Variants in SLC9A9 observed in about 807,000 individuals in gnomAD.
SLC9A9 encodes the protein sodium/hydrogen exchanger 9.
Under a neutral mutation model 77.8 loss-of-function variants are expected in SLC9A9, and 62 were observed. The observed-to-expected ratio is 0.80, with a 90% CI of 0.65 to 0.98. The LOEUF (loss-of-function observed/expected upper bound fraction) is 0.98, where lower values mean the gene tolerates loss of function less well. SLC9A9 is among the 50% of genes least tolerant of loss of function. The pLI is 0.00. For synonymous variants in SLC9A9, 320 were observed against 283.5 expected (o/e 1.13, Z -1.29); for missense variants, 775 against 774.9 (o/e 1.00, Z 0.00).
chr3:143,398,544 A>G (rs1157158643), intron 12 of SLC9A9, among the ~76,000 whole-genome samples: 1 of 152,184 alleles, frequency 6.6e-6, no homozygotes, highest in African/African-American at 2.4e-5. Context: ...ATCTGAAGTT[A>G]TTGTAACACC....
chr3:143,370,830 A>G (rs1224568504), intron 13 of SLC9A9, among the ~76,000 whole-genome samples: 1 of 152,124 alleles, frequency 6.6e-6, no homozygotes, highest in Non-Finnish European at 1.5e-5. Context: ...CTGGATCATA[A>G]ACATATGATA....
chr3:143,456,749 G>C lies in SLC9A9; in HGVS notation c.1469+10288C>G, dbSNP rs145565116. Among the ~76,000 whole-genome samples, 238 of 152,006 alleles carry C rather than the reference G, an allele frequency of 1.6e-3. 2 individuals are homozygous for C. The highest frequency in any genetic ancestry group is 5.7e-3 in the African/African-American group (236 of 41,470). Reference sequence around the variant, plus strand: ...CTGACTAATTTTTGTATTTTTAATAGAGACGGAGTTTCACCATCTTGGCCA... The same window carrying C: ...CTGACTAATTTTTGTATTTTTAATACAGACGGAGTTTCACCATCTTGGCCA... On this transcript the variant is annotated intron_variant, in intron 12 of 15. Coordinates refer to ENST00000316549, the MANE Select transcript of SLC9A9 (RefSeq NM_173653.4).
chr3:143,423,268 CACACACACA>C (rs1322286557), intron 12 of SLC9A9, among the ~76,000 whole-genome samples: 191 of 151,764 alleles, frequency 1.3e-3, no homozygotes, highest in African/African-American at 4.4e-3. Context: ...CACACACACA[CACACACACA>C]CACACACACA....
chr3:143,294,007 A>G (rs2030133852), intron 14 of SLC9A9, among the ~76,000 whole-genome samples: 1 of 152,248 alleles, frequency 6.6e-6, no homozygotes, highest in Non-Finnish European at 1.5e-5. Context: ...AAATTCATGT[A>G]AAATTTTGTA....
At chr3:143,469,252 A>G (rs1050554875) in intron 11 of SLC9A9, among the ~76,000 whole-genome samples, 5 of 152,198 alleles carry the variant, frequency 3.3e-5, no homozygotes, top group Admixed American at 1.3e-4. Context: ...ACTTGGAAGA[A>G]GAGTAAATAA....
At chr3:143,706,185 C>T (rs970006164) in intron 4 of SLC9A9, among the ~76,000 whole-genome samples, 2 of 152,110 alleles carry the variant, frequency 1.3e-5, no homozygotes, top group African/African-American at 4.8e-5. Context: ...GTACAAAACC[C>T]AACAGACGAA....
At chr3:143,834,818 C>T (rs1457257960) in intron 1 of SLC9A9, among the ~76,000 whole-genome samples, 2 of 152,108 alleles carry the variant, frequency 1.3e-5, no homozygotes, top group Admixed American at 6.6e-5. Flanking sequence ...AAGCTGCTTG[C>T]TGCCATTGTG....
chr3:143,709,608 CA>C (rs368261073), intron 4 of SLC9A9, among the ~76,000 whole-genome samples: 11 of 152,160 alleles, frequency 7.2e-5, no homozygotes, highest in African/African-American at 2.7e-4. Flanking sequence ...GCCTGAGATG[CA>C]ATTAATACAG....
intron 14 of SLC9A9, among the ~76,000 whole-genome samples, chr3:143,296,179 A>G (rs1209570659): frequency 6.6e-6 from 1 of 152,216 alleles, no homozygotes; most frequent in East Asian, 1.9e-4. Context: ...GATACTATTC[A>G]TCTTGTGTAA....
At chr3:143,582,715 C>T (rs1465340155) in intron 6 of SLC9A9, among the ~76,000 whole-genome samples, 1 of 152,124 alleles carries the variant, frequency 6.6e-6, no homozygotes, top group African/African-American at 2.4e-5. Context: ...AAGGAGTGCC[C>T]TCAGCTGTGT....
chr3:143,608,381 C>CT (rs2037962271), intron 6 of SLC9A9, among the ~76,000 whole-genome samples: 1 of 152,176 alleles, frequency 6.6e-6, no homozygotes, highest in African/African-American at 2.4e-5. Context: ...AAGAGCAAGG[C>CT]TTTTGGCTGT....
intron 14 of SLC9A9, among the ~76,000 whole-genome samples, chr3:143,295,768 T>C (rs1388122795): frequency 2.6e-5 from 4 of 152,156 alleles, no homozygotes; most frequent in African/African-American, 9.7e-5. Context: ...TGACTTTTAA[T>C]TGTGCTTTCA....
chr3:143,465,969 G>A (rs2035273885), intron 12 of SLC9A9, among the ~76,000 whole-genome samples: 1 of 152,178 alleles, frequency 6.6e-6, no homozygotes, highest in Non-Finnish European at 1.5e-5. Context: ...CCTGGTTTGA[G>A]CATAAGGTTT....
rs114703437 is a variant in SLC9A9, at chr3:143,731,239, C to T, written c.534-37932G>A. Among the ~76,000 whole-genome samples, 1,053 of 152,270 alleles carry T rather than the reference C, an allele frequency of 6.9e-3. 13 individuals are homozygous for T. The highest frequency in any genetic ancestry group is 0.024 in the African/African-American group (979 of 41,540). ...GAACCATGTGTGTAACAGGTGAATA[C>T]CTAAACAGTGTAGGAGTTCTGTTAG... is the stretch of plus-strand genomic sequence containing the variant. On this transcript the variant is annotated intron_variant, in intron 4 of 15. Coordinates refer to ENST00000316549, the MANE Select transcript of SLC9A9 (RefSeq NM_173653.4).
At chr3:143,667,128 A>T (rs1468718661) in intron 5 of SLC9A9, among the ~76,000 whole-genome samples, 1 of 152,250 alleles carries the variant, frequency 6.6e-6, no homozygotes, top group African/African-American at 2.4e-5. Flanking sequence ...TGGTACCAAA[A>T]CAGAGATATA....
intron 4 of SLC9A9, among the ~76,000 whole-genome samples, chr3:143,777,934 T>C (rs1428576589): frequency 2.0e-5 from 3 of 149,764 alleles, no homozygotes; most frequent in African/African-American, 2.5e-5. Context: ...AGGCTGGTCT[T>C]GAACTTCTGA....
At chr3:143,555,847 G>A (rs1267214311) in intron 8 of SLC9A9, among the ~76,000 whole-genome samples, 1 of 152,178 alleles carries the variant, frequency 6.6e-6, no homozygotes, top group Non-Finnish European at 1.5e-5. Flanking sequence ...GGATGGATAT[G>A]TCATATAAAC....
At chr3:143,609,516 C>T (rs1276819285) in intron 6 of SLC9A9, among the ~76,000 whole-genome samples, 1 of 152,102 alleles carries the variant, frequency 6.6e-6, no homozygotes, top group African/African-American at 2.4e-5. Context: ...GATATACCTT[C>T]TCAAGGGGAA....
intron 4 of SLC9A9, among the ~76,000 whole-genome samples, chr3:143,751,442 G>C (rs1295846333): frequency 6.6e-6 from 1 of 152,146 alleles, no homozygotes; most frequent in Non-Finnish European, 1.5e-5. Flanking sequence ...TTCCTGGAGG[G>C]CATGCTGCTT....
Sources: gnomAD v4.1 joint callset for allele counts (sites outside exome capture counted in the v4.1 genomes callset) on GRCh38, gnomAD v4.1.1 for gene constraint, MANE v1.5 for transcripts, NCBI Gene and HGNC (gene_info 2026-07-23, HGNC 2026-07-21) for gene names.